The following EME2 variants were observed in gnomAD, a reference collection of about 807,000 sequenced individuals.
EME2 encodes essential meiotic structure-specific endonuclease subunit 2, also known as structure-specific endonuclease subunit EME2.
A neutral mutation model predicts 41.9 loss-of-function variants in EME2; 58 were observed. The observed-to-expected ratio is 1.38, with a 90% CI of 1.12 to 1.72. The LOEUF (loss-of-function observed/expected upper bound fraction) is 1.72. Ranked by LOEUF, EME2 falls within the 40% of genes most tolerant of loss-of-function variation. The pLI, the probability that EME2 is intolerant of heterozygous loss-of-function variation, is 0.00. For synonymous variants in EME2, 334 were observed against 239.3 expected (o/e 1.40, Z -3.65); for missense variants, 695 against 541.9 (o/e 1.28, Z -2.81).
chr16:1,775,470 C>T, intron 5 of EME2, 62 bp downstream of exon 5: 1 of 1,599,186 alleles, frequency 6.3e-7, no homozygotes, highest in Non-Finnish European at 8.6e-7. Context: ...GGGCTGCTGG[C>T]TGGGTTTGGT....
chr16:1,774,188 G>A (rs1046201282), intron 2 of EME2, 72 bp from the exon 3 acceptor site: 19 of 1,345,822 alleles, frequency 1.4e-5, no homozygotes, highest in Non-Finnish European at 2.0e-5. Context: ...CTTTGCTGCT[G>A]GACTGCCCAG....
In EME2 at chr16:1,776,715, G is replaced by A; in HGVS notation, c.*477G>A. The stretch of plus-strand genomic sequence containing the variant: ...ATACGTTTCAGCTCACGCCATGTGG[G>A]TGTTAGACATCAACTCTACATTTAT... On this transcript the variant is annotated 3_prime_UTR_variant, in exon 8 of 8. Coordinates refer to ENST00000568449, the MANE Select transcript of EME2 (RefSeq NM_001257370.2). 3.1e-6 allele frequency: 1 copy of A among 322,830 alleles called. No homozygotes were observed. Among genetic ancestry groups the A allele is most frequent in the Middle Eastern group, 8.8e-4 (1 of 1,138 alleles). The allele number at this position is 322,830 out of a possible 1,614,324, so 20.0% of individuals were successfully genotyped here.
rs2042736575 is a variant in EME2, at chr16:1,777,829, C to T, written c.*1591C>T. ...CGCCAATGATGGAGCCCTGGCCGAA[C>T]CGCGATGAGAAGCTGGTCTTGTCGC... On this transcript the variant is annotated 3_prime_UTR_variant, in exon 8 of 8. Coordinates refer to ENST00000568449, the MANE Select transcript of EME2 (RefSeq NM_001257370.2). The T allele has an allele frequency of 1.9e-6, 3 of 1,612,890 alleles. No individual in the cohort carries two copies. Among genetic ancestry groups the T allele is most frequent in the African/African-American group, 1.3e-5 (1 of 75,038 alleles).
chr16:1,772,840 A>G lies in EME2; in HGVS notation c.-388A>G, dbSNP rs752478974. On this transcript the variant is annotated 5_prime_UTR_variant, in exon 1 of 8. Transcript: ENST00000568449. ...GGCCGCACCCGCGTGAGGCGCCAGT[A>G]GCACGGCTCGTCGTGCTGCCACAGC... 41 of 1,444,196 alleles carry G rather than the reference A, an allele frequency of 2.8e-5. No individual in the cohort carries two copies. The highest frequency in any genetic ancestry group is 1.4e-4 in the South Asian group (10 of 69,762). The allele number at this position is 1,444,196 out of a possible 1,614,324, so 89.5% of individuals were successfully genotyped here. A position where few individuals can be genotyped will look rare whatever the true frequency, so the allele number is the denominator to read the frequency against.
chr16:1,778,151 C>T lies in EME2; in HGVS notation c.*1913C>T, dbSNP rs372168834. 4 of 1,612,666 alleles carry T rather than the reference C, an allele frequency of 2.5e-6. No homozygotes were observed. Among genetic ancestry groups the T allele is most frequent in the Middle Eastern group, 1.7e-4 (1 of 6,060 alleles). ...CAACTTACCATGTCGGTGCCGTAGA[C>T]GGGAGAGGTCATCTTGATCTCCCAG... On this transcript the variant is annotated 3_prime_UTR_variant, in exon 8 of 8. Transcript: ENST00000568449.
Position 1,777,761 on chromosome 16 carries a change from T to A in EME2, c.*1523T>A. ...GACGGCCTCACCTATACACTTCCTG[T>A]TCTTGAAAAAGGTGAGTGTGCCGTG... is the stretch of plus-strand genomic sequence containing the variant. On this transcript the variant is annotated 3_prime_UTR_variant, in exon 8 of 8. Transcript: ENST00000568449. 6.2e-7 allele frequency: 1 copy of A among 1,612,556 alleles called. No homozygotes were observed. Among genetic ancestry groups the A allele is most frequent in the Non-Finnish European group, 8.5e-7 (1 of 1,179,898 alleles).
In EME2 at chr16:1,772,880, G is replaced by A; in HGVS notation, c.-348G>A. ...GCTGCCACAGCCAGGACTTGCGCGT[G>A]ACCAGGCGGCCCAGGCCGAAGAGCG... On this transcript the variant is annotated 5_prime_UTR_variant, in exon 1 of 8. Coordinates refer to ENST00000568449, the MANE Select transcript of EME2 (RefSeq NM_001257370.2). 6.9e-7 allele frequency: 1 copy of A among 1,453,544 alleles called. No homozygotes were observed. Among genetic ancestry groups the A allele is most frequent in the Non-Finnish European group, 9.0e-7 (1 of 1,110,478 alleles). The allele number at this position is 1,453,544 out of a possible 1,614,324, so 90.0% of individuals were successfully genotyped here. A position where few individuals can be genotyped will look rare whatever the true frequency, so the allele number is the denominator to read the frequency against.
intron 3 of EME2, 25 bp downstream of exon 3, chr16:1,774,377 C>T: frequency 6.3e-7 from 1 of 1,599,028 alleles, no homozygotes; most frequent in Non-Finnish European, 8.6e-7. Flanking sequence ...GCAGTAGTCC[C>T]TCTCTAATCA....
Position 1,780,777 on chromosome 16 carries a change from G to A in EME2, c.*4539G>A. 1 of 186,644 alleles carries A rather than the reference G, an allele frequency of 5.4e-6. No homozygotes were observed. Among genetic ancestry groups the A allele is most frequent in the East Asian group, 1.5e-4 (1 of 6,550 alleles). The allele number at this position is 186,644 out of a possible 1,614,324, so 11.6% of individuals were successfully genotyped here. On this transcript the variant is annotated 3_prime_UTR_variant, in exon 8 of 8. Transcript: ENST00000568449. ...AGTCAGGGTCTAGCTCTGTCACCCAGGCTGGAACGCACTGGTGTGATCACG... is the reference window on the plus strand; with the variant it reads ...AGTCAGGGTCTAGCTCTGTCACCCAAGCTGGAACGCACTGGTGTGATCACG...
Position 1,773,853 on chromosome 16 carries a change from CG to C in EME2, c.384+15del. 6.5e-7 allele frequency: 1 copy of C among 1,532,424 alleles called. No homozygotes were observed. The highest frequency in any genetic ancestry group is 8.7e-7 in the Non-Finnish European group (1 of 1,144,890). The allele number at this position is 1,532,424 out of a possible 1,614,324, so 94.9% of individuals were successfully genotyped here. A position where few individuals can be genotyped will look rare whatever the true frequency, so the allele number is the denominator to read the frequency against. ...CCTGCCCCCGCAGCGTGAGTGGTCG[CG>C]GGTTCCCGAGGGCCAGCCGCGAGTT... On this transcript the variant is annotated intron_variant, in intron 2 of 7. Coordinates refer to ENST00000568449, the MANE Select transcript of EME2 (RefSeq NM_001257370.2).
In EME2 at chr16:1,775,042, T is replaced by A; in HGVS notation, c.479T>A (p.Ile160Asn). ...FLQGVATLTQISGPTHWVPWI... is the reference protein window; with the variant it reads ...FLQGVATLTQNSGPTHWVPWI... ...TGTGCCACACGTTCTCATCTTCAGA[T>A]CTCTGGCCCAACCCACTGGGTGCCC... is the stretch of plus-strand genomic sequence containing the variant. The change falls in exon 4 of 8, where the codon ATC (isoleucine) becomes AAC (asparagine). Residue 160 changes from isoleucine to asparagine, a missense_variant and splice_region_variant. Coordinates refer to ENST00000568449, the MANE Select transcript of EME2 (RefSeq NM_001257370.2). 6.2e-7 allele frequency: 1 copy of A among 1,608,654 alleles called. No individual in the cohort carries two copies. Among genetic ancestry groups the A allele is most frequent in the Non-Finnish European group, 8.5e-7 (1 of 1,179,476 alleles).
At position 1,778,802 on chromosome 16, in the gene EME2, T is replaced by C. The variant is rs1277814477; in HGVS notation, c.*2564T>C. 1.8e-6 allele frequency: 1 copy of C among 559,720 alleles called. No homozygotes were observed. The highest frequency in any genetic ancestry group is 1.9e-5 in the African/African-American group (1 of 52,158). The allele number at this position is 559,720 out of a possible 1,614,324, so 34.7% of individuals were successfully genotyped here. A position where few individuals can be genotyped will look rare whatever the true frequency, so the allele number is the denominator to read the frequency against. ...CCAACGGGCTCCGGCTCTGCCCCAT[T>C]CTGCATGACCAGGAGGGCCCTGGAG... On this transcript the variant is annotated 3_prime_UTR_variant, in exon 8 of 8. Transcript: ENST00000568449.
At position 1,777,731 on chromosome 16, in the gene EME2, C is replaced by G. The variant is rs770238085; in HGVS notation, c.*1493C>G. The G allele has an allele frequency of 6.2e-7, 1 of 1,610,568 alleles. No individual in the cohort carries two copies. The highest frequency in any genetic ancestry group is 1.3e-5 in the African/African-American group (1 of 74,882). On this transcript the variant is annotated 3_prime_UTR_variant, in exon 8 of 8. Transcript: ENST00000568449. ...GGTGACAGCTGAGAGGAGCTCAAGTCCTGTGACGGCCTCACCTATACACTT... is the reference window on the plus strand; with the variant it reads ...GGTGACAGCTGAGAGGAGCTCAAGTGCTGTGACGGCCTCACCTATACACTT...
rs1316794644 is a variant in EME2 at position 1,776,337 on chromosome 16, T to G, written c.*99T>G. ...CCCAGCCACATGTGGACCCTCAGCC[T>G]GGGTGGGTTCTCTGGCTGAGCAGGT... On this transcript the variant is annotated 3_prime_UTR_variant, in exon 8 of 8. Coordinates refer to ENST00000568449, the MANE Select transcript of EME2 (RefSeq NM_001257370.2). 1.6e-6 allele frequency: 2 copies of G among 1,279,264 alleles called. No homozygotes were observed. The highest frequency in any genetic ancestry group is 2.2e-6 in the Non-Finnish European group (2 of 909,238). 79.2% of individuals were successfully genotyped at this position (1,279,264 alleles called of 1,614,324 possible).
chr16:1,777,521 T>G lies in EME2; in HGVS notation c.*1283T>G, dbSNP rs13332165. 0.13 allele frequency: 186,897 copies of G among 1,405,126 alleles called. 14,101 individuals carry two copies. The highest frequency in any genetic ancestry group is 0.31 in the East Asian group (12,337 of 39,928). 87.0% of individuals were successfully genotyped at this position (1,405,126 alleles called of 1,614,324 possible). A position where few individuals can be genotyped will look rare whatever the true frequency, so the allele number is the denominator to read the frequency against. On this transcript the variant is annotated 3_prime_UTR_variant, in exon 8 of 8. Transcript: ENST00000568449. ...GGGCGCAGCCCCTCAGACCTCACGC[T>G]ACAGTCACCCGGGTGGGCAGCTGGC...
chr16:1,775,973 G>A lies in EME2; in HGVS notation c.956G>A (p.Arg319His), dbSNP rs149531255. 1.9e-5 allele frequency: 30 copies of A among 1,608,276 alleles called. No homozygotes were observed. The highest frequency in any genetic ancestry group is 4.5e-5 in the East Asian group (2 of 44,820). ...GTTGTCACAGCCTTCCCCTCCCCCC[G>A]CCTTCTGCAGCAGGTGGGCCCCTGC... is the stretch of plus-strand genomic sequence containing the variant. ...DAVVTAFPSP[R>H]LLQQALEACS... The change falls in exon 7 of 8, where the codon CGC (arginine) becomes CAC (histidine). Residue 319 changes from arginine (R) to histidine (H), a missense_variant. By Grantham distance (29) the Arg-to-His change is conservative (BLOSUM62 0). Transcript: ENST00000568449.
Position 1,776,151 on chromosome 16 carries a change from C to T in EME2, c.1053C>T (p.Pro351=), listed in dbSNP as rs1352674348. ...TGCCGCCCAGTGAAGGCGGGCGTCCCCGCAGGGTGGGGCCTGACCTCTCCC... is the reference window on the plus strand; with the variant it reads ...TGCCGCCCAGTGAAGGCGGGCGTCCTCGCAGGGTGGGGCCTGACCTCTCCC... ...LPVPPSEGGR[P]RRVGPDLSRR... The change falls in exon 8 of 8, where the codon CCC becomes CCT. Residue 351 remains proline, a synonymous_variant. Transcript: ENST00000568449. 1.2e-6 allele frequency: 2 copies of T among 1,612,456 alleles called. No homozygotes were observed. The highest frequency in any genetic ancestry group is 3.3e-5 in the Admixed American group (2 of 60,026).
At position 1,778,442 on chromosome 16, in the gene EME2, TTCC is replaced by T; in HGVS notation, c.*2207_*2209del. 1 of 1,609,594 alleles carries T rather than the reference TTCC, an allele frequency of 6.2e-7. No individual in the cohort carries two copies. Among genetic ancestry groups the T allele is most frequent in the Non-Finnish European group, 8.5e-7 (1 of 1,178,290 alleles). On this transcript the variant is annotated 3_prime_UTR_variant, in exon 8 of 8. Coordinates refer to ENST00000568449, the MANE Select transcript of EME2 (RefSeq NM_001257370.2). ...GCTGGGCCCCACGCTCACACTCGTC[TTCC>T]TCTCCGCAGCGGCAGTCCCTGCCCC...
Position 1,773,731 on chromosome 16 carries a change from G to A in EME2, c.274G>A (p.Val92Ile). The change falls in exon 2 of 8, where the codon GTC becomes ATC. Residue 92 changes from valine to isoleucine, a missense_variant. By Grantham distance (29) the Val-to-Ile change is conservative (BLOSUM62 3). Transcript: ENST00000568449. The stretch of plus-strand genomic sequence containing the variant: ...CATCCTGGAAGACGCCGGTGCCGAC[G>A]TCCTGATGGAGGCCCTGGAGGCCCT... ...TAILEDAGAD[V>I]LMEALEALGC... 2 of 1,549,212 alleles carry A rather than the reference G, an allele frequency of 1.3e-6. No homozygotes were observed. The highest frequency in any genetic ancestry group is 1.7e-6 in the Non-Finnish European group (2 of 1,147,374).
Sources: gnomAD v4.1 joint callset for allele counts on GRCh38, gnomAD v4.1.1 for gene constraint, MANE v1.5 for transcripts, NCBI Gene and HGNC (gene_info 2026-07-23, HGNC 2026-07-21) for gene names.